Variants in HOMER2 observed in about 807,000 individuals in gnomAD.
HOMER2 encodes the protein homer scaffold protein 2.
HOMER2 carries 27 observed loss-of-function variants against 47.0 expected under a neutral mutation model. The ratio of observed to expected loss-of-function variants is 0.57; its 90% CI spans 0.42 to 0.79. The LOEUF is 0.79. HOMER2 is among the 30% of genes least tolerant of loss of function. The pLI is 0.00. For missense variants in HOMER2, 443 were observed against 435.0 expected, an observed-to-expected ratio of 1.02 and a Z score of -0.16; for synonymous variants, 161 against 163.8, an observed-to-expected ratio of 0.98 and a Z score of 0.13.
chr15:82,936,909 C>A (rs534386225), intron 1 of HOMER2, among the ~76,000 whole-genome samples: 2 of 151,868 alleles, frequency 1.3e-5, no homozygotes, highest in East Asian at 3.9e-4. Flanking sequence ...GGGGGAGTCA[C>A]AGATTATAAC....
chr15:82,881,881 T>C (rs2052531871), intron 2 of HOMER2, among the ~76,000 whole-genome samples: 1 of 152,090 alleles, frequency 6.6e-6, no homozygotes, highest in South Asian at 2.1e-4. Context: ...GGCAGCAGAG[T>C]CATCCAGAGC....
At chr15:82,853,056 C>T (rs2051449623) in intron 6 of HOMER2, among the ~76,000 whole-genome samples, 1 of 152,240 alleles carries the variant, frequency 6.6e-6, no homozygotes, top group Admixed American at 6.5e-5. Flanking sequence ...CAGGCAGCAG[C>T]AGTCCTTGAC....
Position 82,854,855 on chromosome 15 carries a change from C to T in HOMER2, c.495-55G>A, listed in dbSNP as rs564449132. The T allele has an allele frequency of 4.1e-5, 65 of 1,567,424 alleles. No homozygotes were observed. The East Asian group carries it at 5.2e-4, about 13-fold the overall frequency. Reference sequence around the variant, plus strand: ...GGGTGGGTGCTGTCCCGTCTGGCTCCGCCCGCGTGGGGAAGGGGACTCCGC... The same window carrying T: ...GGGTGGGTGCTGTCCCGTCTGGCTCTGCCCGCGTGGGGAAGGGGACTCCGC... On this transcript the variant is annotated intron_variant, in intron 5 of 8. Coordinates refer to ENST00000450735, the MANE Select transcript of HOMER2 (RefSeq NM_004839.4).
chr15:82,975,175 C>A (rs190455537), intron 1 of HOMER2, among the ~76,000 whole-genome samples: 1 of 152,142 alleles, frequency 6.6e-6, no homozygotes, highest in Non-Finnish European at 1.5e-5. Flanking sequence ...ATCATCTCAC[C>A]CCAGTTAAAA....
At chr15:82,901,806 A>G (rs2053127558) in intron 1 of HOMER2, among the ~76,000 whole-genome samples, 1 of 152,234 alleles carries the variant, frequency 6.6e-6, no homozygotes, top group African/African-American at 2.4e-5. Flanking sequence ...TAGGAAAAAC[A>G]TTAAAAGCAT....
At chr15:82,873,356 T>C (rs2052239434) in intron 3 of HOMER2, among the ~76,000 whole-genome samples, 1 of 152,186 alleles carries the variant, frequency 6.6e-6, no homozygotes, top group Non-Finnish European at 1.5e-5. Context: ...CCCAATACTT[T>C]CTGTCCCACA....
At chr15:82,915,143 G>GAA (rs200310453) in intron 1 of HOMER2, among the ~76,000 whole-genome samples, 15 of 133,634 alleles carry the variant, frequency 1.1e-4, no homozygotes, top group African/African-American at 3.0e-4. Flanking sequence ...TTTTTTAATT[G>GAA]AAAAAAAAAA....
At chr15:82,870,042 G>A (rs1381502177) in intron 3 of HOMER2, among the ~76,000 whole-genome samples, 1 of 152,148 alleles carries the variant, frequency 6.6e-6, no homozygotes, top group Non-Finnish European at 1.5e-5. Context: ...TATTAAAATT[G>A]TGGTAATAAT....
intron 5 of HOMER2, 138 bp from the exon 6 acceptor site, chr15:82,854,938 T>G (rs1596303356): frequency 2.1e-6 from 2 of 956,062 alleles, no homozygotes; most frequent in Non-Finnish European, 3.1e-6. Context: ...AGCTGGCAGG[T>G]GGGTCTGGCT....
At chr15:82,870,299 G>A (rs1206803212) in intron 3 of HOMER2, among the ~76,000 whole-genome samples, 1 of 152,134 alleles carries the variant, frequency 6.6e-6, no homozygotes, top group African/African-American at 2.4e-5. Flanking sequence ...TTTTTGGTGG[G>A]GTAGGGGAAT....
At chr15:82,854,001 G>T (rs1310516342) in intron 6 of HOMER2, among the ~76,000 whole-genome samples, 1 of 152,170 alleles carries the variant, frequency 6.6e-6, no homozygotes, top group Admixed American at 6.5e-5. Context: ...TCCACGGAGG[G>T]TCACTGAACC....
chr15:82,976,817 C>T (rs1239249558), intron 1 of HOMER2, among the ~76,000 whole-genome samples: 2 of 151,082 alleles, frequency 1.3e-5, no homozygotes, highest in Non-Finnish European at 2.9e-5. Flanking sequence ...GCTGGGATTA[C>T]AGGCATGCGC....
At chr15:82,958,100 G>A (rs1294158907), downstream of HOMER2, 2 of 152,250 alleles carry the variant, frequency 1.3e-5, no homozygotes, top group East Asian at 3.8e-4. Flanking sequence ...GCCTCCCAAA[G>A]TGCTGGAATT....
At chr15:82,922,423 C>T (rs527352640) in intron 1 of HOMER2, among the ~76,000 whole-genome samples, 79 of 152,340 alleles carry the variant, frequency 5.2e-4, no homozygotes, top group African/African-American at 1.8e-3. Flanking sequence ...AAAGTAAAGC[C>T]TGCATGATAC....
chr15:82,892,804 G>C lies in HOMER2; in HGVS notation c.43C>G (p.Gln15Glu), dbSNP rs762737459. Residue 15 changes from glutamine to glutamate, a missense_variant, in exon 2 of 9, where the codon CAG becomes GAG. Physicochemically the swap from Gln to Glu is conservative, Grantham distance 29 (BLOSUM62 2). Coordinates refer to ENST00000450735, the MANE Select transcript of HOMER2 (RefSeq NM_004839.4). ...PIFTTRAHVF[Q>E]IDPNTKKNWM... is the part of the protein sequence containing the mutation. ...TTCTTCTTGGTGTTGGGGTCAATCT[G>C]GAAGACATGCGCTCGGGTGGTGAAG... 5 of 1,604,148 alleles carry C rather than the reference G, an allele frequency of 3.1e-6. No individual in the cohort carries two copies. Among genetic ancestry groups the C allele is most frequent in the Non-Finnish European group, 8.5e-7 (1 of 1,173,098 alleles).
intron 3 of HOMER2, among the ~76,000 whole-genome samples, chr15:82,874,144 G>T (rs901169282): frequency 6.6e-6 from 1 of 152,244 alleles, no homozygotes; most frequent in African/African-American, 2.4e-5. Flanking sequence ...CCTCAGTGCT[G>T]AGGATGGTGT....
chr15:82,984,888 A>G (rs2030537589), intron 1 of HOMER2, among the ~76,000 whole-genome samples: 1 of 152,216 alleles, frequency 6.6e-6, no homozygotes, highest in Non-Finnish European at 1.5e-5. Flanking sequence ...TGCATTAGAT[A>G]AAGGCCTGTT....
At chr15:82,894,353 T>C (rs1030483289) in intron 1 of HOMER2, among the ~76,000 whole-genome samples, 5 of 152,164 alleles carry the variant, frequency 3.3e-5, no homozygotes, top group Non-Finnish European at 5.9e-5. Flanking sequence ...AGAAAGCATC[T>C]TTACACAGAC....
chr15:82,907,514 G>A (rs2053323049), intron 1 of HOMER2, among the ~76,000 whole-genome samples: 1 of 149,426 alleles, frequency 6.7e-6, no homozygotes, highest in South Asian at 2.1e-4. Flanking sequence ...AAGGAAGGAA[G>A]GAAGGAAAGA....
Sources: allele counts gnomAD v4.1 joint callset (sites outside exome capture counted in the v4.1 genomes callset), GRCh38; gene constraint gnomAD v4.1.1; transcripts MANE v1.5; gene names NCBI Gene and HGNC (gene_info 2026-07-23, HGNC 2026-07-21).